The following HDAC9 variants were observed in gnomAD, a reference collection of about 807,000 sequenced individuals.
HDAC9 encodes the protein MEF-2 interacting transcription repressor (MITR) protein.
In HDAC9, 41 loss-of-function variants were observed where a neutral mutation model predicts 139.4. The observed-to-expected ratio is 0.29, with a 90% CI of 0.23 to 0.38. HDAC9 has a LOEUF of 0.38. Ranked by LOEUF, HDAC9 falls within the 10% of genes least tolerant of loss-of-function variation. HDAC9 has a pLI of 1.00. For missense variants in HDAC9, 1,147 were observed against 1,297.0 expected (o/e 0.88, Z 1.78); for synonymous variants, 517 against 476.2 (o/e 1.09, Z -1.12).
chr7:18,655,870 TTTGA>T (rs1790966704), intron 11 of HDAC9, among the ~76,000 whole-genome samples: 1 of 152,048 alleles, frequency 6.6e-6, no homozygotes, highest in Admixed American at 6.6e-5. Flanking sequence ...ACGTGAATTG[TTTGA>T]TTGATGTTGA....
chr7:18,404,651 T>C (rs1317759155), intron 1 of HDAC9, among the ~76,000 whole-genome samples: 2 of 152,338 alleles, frequency 1.3e-5, no homozygotes, highest in East Asian at 1.9e-4. Context: ...TAATCATTGA[T>C]AGGTCTTGGA....
chr7:18,443,920 TTA>T (rs771306477), intron 1 of HDAC9, among the ~76,000 whole-genome samples: 14 of 151,666 alleles, frequency 9.2e-5, no homozygotes, highest in Admixed American at 4.6e-4. Flanking sequence ...TACATTTGTA[TTA>T]TATATATGTA....
At chr7:18,238,866 A>G (rs1479428434) in intron 2 of HDAC9, among the ~76,000 whole-genome samples, 2 of 152,182 alleles carry the variant, frequency 1.3e-5, no homozygotes, top group African/African-American at 2.4e-5. Context: ...TTCCAGATCT[A>G]TTAGGGAGGT....
intron 22 of HDAC9, among the ~76,000 whole-genome samples, chr7:18,897,136 A>G (rs952777328): frequency 1.3e-5 from 2 of 150,718 alleles, no homozygotes; most frequent in Non-Finnish European, 3.0e-5. Flanking sequence ...AATAGAAAAA[A>G]AATTTAATTA....
intron 23 of HDAC9, among the ~76,000 whole-genome samples, chr7:18,946,416 A>C (rs1029652106): frequency 1.3e-5 from 2 of 152,112 alleles, no homozygotes; most frequent in African/African-American, 4.8e-5. Flanking sequence ...CTTTGAAGGG[A>C]AGCTTTCTGT....
intron 23 of HDAC9, 21 bp from the exon 24 acceptor site, chr7:18,954,125 T>C (rs924462075): frequency 5.3e-6 from 8 of 1,500,762 alleles, no homozygotes; most frequent in Non-Finnish European, 7.3e-6. Context: ...CTGCTCATAC[T>C]ATTATCTACT....
At position 18,330,120 on chromosome 7, in the gene HDAC9, C is replaced by G. The variant is rs1448784978; in HGVS notation, c.-42+39605C>G. On this transcript the variant is annotated intron_variant, in intron 1 of 3. Coordinates refer to the HDAC9 transcript ENST00000413509. ...TTGCAGATGTTCTAGTTATACTTAT[C>G]AATCTTTTCTGCTTGCCAAATGAAG... Among the ~76,000 whole-genome samples, 3 of 151,678 alleles carry G rather than the reference C, an allele frequency of 2.0e-5. No individual in the cohort carries two copies. In the East Asian group the frequency reaches 5.8e-4, roughly 30 times the overall value.
At chr7:18,392,275 T>TCC (rs1445497666) in intron 1 of HDAC9, among the ~76,000 whole-genome samples, 1 of 143,620 alleles carries the variant, frequency 7.0e-6, no homozygotes, top group East Asian at 2.1e-4. Flanking sequence ...TCTCTGTCAC[T>TCC]CTCTCTCTCT....
chr7:18,479,822 G>A (rs753131659), intron 1 of HDAC9, among the ~76,000 whole-genome samples: 8 of 151,428 alleles, frequency 5.3e-5, no homozygotes, highest in Admixed American at 2.0e-4. Flanking sequence ...TTAATATTAT[G>A]TAATATGGTA....
chr7:18,748,869 G>A, intron 13 of HDAC9, 136 bp from the exon 14 acceptor site: 2 of 821,206 alleles, frequency 2.4e-6, no homozygotes, highest in South Asian at 3.7e-5. Flanking sequence ...CTGAGAATTT[G>A]CTTTGTGATA....
intron 1 of HDAC9, among the ~76,000 whole-genome samples, chr7:18,137,378 A>C (rs1010129543): frequency 6.6e-6 from 1 of 150,692 alleles, no homozygotes; most frequent in Non-Finnish European, 1.5e-5. Flanking sequence ...TCCCTGTCTT[A>C]TGCCAGTTTT....
At chr7:18,316,413 A>T (rs556837037) in intron 1 of HDAC9, among the ~76,000 whole-genome samples, 274 of 152,252 alleles carry the variant, frequency 1.8e-3, no homozygotes, top group African/African-American at 6.4e-3. Context: ...GAATCTTTTC[A>T]TTGGGAAATA....
chr7:18,160,681 A>G (rs1291249157), intron 1 of HDAC9, among the ~76,000 whole-genome samples: 8 of 152,120 alleles, frequency 5.3e-5, no homozygotes, highest in South Asian at 2.1e-4. Flanking sequence ...GAGTGGCACT[A>G]TCTTGGCCCA....
chr7:18,711,022 T>C (rs1330032857), intron 12 of HDAC9, among the ~76,000 whole-genome samples: 3 of 152,196 alleles, frequency 2.0e-5, no homozygotes, highest in Admixed American at 2.0e-4. Context: ...CTTCTGCAGG[T>C]GTAGTAATAA....
intron 2 of HDAC9, chr7:18,509,287 T>G (rs1800719087): frequency 1.0e-6 from 1 of 985,288 alleles, no homozygotes; most frequent in African/African-American, 1.7e-5. Flanking sequence ...ACTTAACTTC[T>G]GCCTTGTGGA....
intron 2 of HDAC9, among the ~76,000 whole-genome samples, chr7:18,255,110 C>T (rs1795146969): frequency 1.3e-5 from 2 of 152,084 alleles, no homozygotes; most frequent in Admixed American, 1.3e-4. Flanking sequence ...TGGATGTATT[C>T]ATTTAATAGA....
intron 1 of HDAC9, among the ~76,000 whole-genome samples, chr7:18,436,331 T>C (rs1359825004): frequency 6.6e-6 from 1 of 152,184 alleles, no homozygotes; most frequent in East Asian, 1.9e-4. Flanking sequence ...TAGGCAGTAA[T>C]CTTAACGGAA....
chr7:18,488,314 G>A (rs546712763), intron 1 of HDAC9, among the ~76,000 whole-genome samples: 30 of 152,052 alleles, frequency 2.0e-4, no homozygotes, highest in African/African-American at 6.3e-4. Context: ...GAACCATTAC[G>A]TGTCACTTAA....
chr7:18,824,623 A>G (rs1017647694), intron 17 of HDAC9, among the ~76,000 whole-genome samples: 1 of 152,198 alleles, frequency 6.6e-6, no homozygotes, highest in African/African-American at 2.4e-5. Context: ...AAAAAAGACT[A>G]ATGTATTGAA....
Sources: allele counts gnomAD v4.1 joint callset (sites outside exome capture counted in the v4.1 genomes callset), GRCh38; gene constraint gnomAD v4.1.1; transcripts MANE v1.5; gene names NCBI Gene and HGNC (gene_info 2026-07-23, HGNC 2026-07-21).